DDB1: variants seen among roughly 807,000 people sequenced by gnomAD.
DDB1 encodes the protein DNA damage-binding protein 1.
A neutral mutation model predicts 133.1 loss-of-function variants in DDB1; 18 were observed. That is an observed-to-expected ratio of 0.14 (90% CI 0.09 to 0.20). The LOEUF (loss-of-function observed/expected upper bound fraction) is 0.20. DDB1 is among the 10% of genes least tolerant of loss of function. The pLI, the probability that DDB1 is intolerant of heterozygous loss-of-function variation, is 1.00. For missense variants in DDB1, 828 were observed against 1,459.2 expected (o/e 0.57, Z 7.05); for synonymous variants, 580 against 550.5 (o/e 1.05, Z -0.75).
intron 1 of DDB1, chr11:61,332,166 T>TTTTTTAATGATAC: frequency 6.3e-6 from 1 of 159,832 alleles, no homozygotes; most frequent in Non-Finnish European, 1.4e-5. Flanking sequence ...CCTGCCCTCC[T>TTTTTTAATGATAC]GGCAGTCTAC....
chr11:61,322,123 G>C, intron 9 of DDB1, 173 bp downstream of exon 9: 1 of 651,190 alleles, frequency 1.5e-6, no homozygotes, highest in East Asian at 2.5e-5. Flanking sequence ...TAAAGTGCCT[G>C]GCAGACCAAG....
Position 61,311,895 on chromosome 11 carries a change from C to T in DDB1, c.2166G>A (p.Arg722=), listed in dbSNP as rs1232314882. The part of the protein sequence containing the change: ...IRTVPLYESP[R]KICYQEVSQC... ...GGGACACTTCCTGGTAGCAGATCTT[C>T]CTGCAGAACAAGTACAGAACAACAG... The change falls in exon 18 of 27, where the codon AGG becomes AGA. Residue 722 remains arginine (R), a splice_region_variant and synonymous_variant. Transcript: ENST00000301764. The T allele has an allele frequency of 1.2e-6, 2 of 1,614,076 alleles. No homozygotes were observed. The highest frequency in any genetic ancestry group is 2.7e-5 in the African/African-American group (2 of 74,924).
chr11:61,330,134 A>T, intron 2 of DDB1, 60 bp from the exon 3 acceptor site: 1 of 1,379,990 alleles, frequency 7.2e-7, no homozygotes. Flanking sequence ...CAACCTGTCC[A>T]GTCTTTAAGC....
At chr11:61,325,809 G>A (rs758286554) in intron 5 of DDB1, 101 bp from the exon 6 acceptor site, 1 of 864,218 alleles carries the variant, frequency 1.2e-6, no homozygotes, top group South Asian at 1.4e-5. Flanking sequence ...CAAACTTTAA[G>A]GTCATCATTA....
At chr11:61,304,678 T>C (rs1195942700) in intron 21 of DDB1, among the ~76,000 whole-genome samples, 5 of 151,322 alleles carry the variant, frequency 3.3e-5, no homozygotes, top group Non-Finnish European at 1.5e-5. Context: ...AACGAGACCA[T>C]CCTGGCTAAC....
intron 4 of DDB1, among the ~76,000 whole-genome samples, chr11:61,328,638 C>G (rs781535949): frequency 6.6e-6 from 1 of 152,080 alleles, no homozygotes; most frequent in Non-Finnish European, 1.5e-5. Context: ...TTTGGGAGGC[C>G]GAGGCAGGCG....
chr11:61,322,517 A>G, intron 8 of DDB1, 105 bp from the exon 9 acceptor site: 1 of 844,002 alleles, frequency 1.2e-6, no homozygotes, highest in Admixed American at 1.9e-5. Context: ...TAGTTTCTAG[A>G]TCTGCCATTC....
chr11:61,300,363 C>T (rs28720361), intron 26 of DDB1, 144 bp from the exon 27 acceptor site: 13 of 798,040 alleles, frequency 1.6e-5, no homozygotes, highest in Admixed American at 1.0e-4. Context: ...CACGCCTCCC[C>T]CTGGGTGGCA....
chr11:61,300,671 C>T, intron 26 of DDB1, 138 bp downstream of exon 26: 2 of 1,379,224 alleles, frequency 1.5e-6, no homozygotes, highest in Non-Finnish European at 2.0e-6. Context: ...CAGACTCCAC[C>T]TTCCATCTGG....
intron 6 of DDB1, 95 bp downstream of exon 6, chr11:61,325,516 T>C (rs1346753131): frequency 9.9e-7 from 1 of 1,012,586 alleles, no homozygotes; most frequent in Non-Finnish European, 1.5e-6. Context: ...AACAGGCATC[T>C]GTGAATCTCC....
chr11:61,316,065 T>C, intron 12 of DDB1: 1 of 472,568 alleles, frequency 2.1e-6, no homozygotes, highest in Non-Finnish European at 3.7e-6. Context: ...TGTAAATAAA[T>C]ACACAGACAT....
chr11:61,321,201 T>A (rs988571928), intron 10 of DDB1: 4 of 155,488 alleles, frequency 2.6e-5, no homozygotes, highest in African/African-American at 9.6e-5. Flanking sequence ...ATCTTTTTTT[T>A]ATTAAAATTC....
chr11:61,324,542 G>T (rs1447406096), intron 6 of DDB1, among the ~76,000 whole-genome samples: 1 of 151,916 alleles, frequency 6.6e-6, no homozygotes, highest in African/African-American at 2.4e-5. Context: ...TTTTTTTAAA[G>T]ACAGGGTCTT....
At chr11:61,314,743 G>T in intron 12 of DDB1, 1 of 336,902 alleles carries the variant, frequency 3.0e-6, no homozygotes, top group Non-Finnish European at 5.4e-6. Flanking sequence ...CATTCTAATT[G>T]AGACTTACTT....
chr11:61,303,241 G>T, intron 22 of DDB1, 86 bp from the exon 23 acceptor site: 1 of 1,216,450 alleles, frequency 8.2e-7, no homozygotes. Context: ...CTTTATTCAG[G>T]AGCAAGGCCC....
chr11:61,304,600 C>T (rs929266939), intron 21 of DDB1, among the ~76,000 whole-genome samples: 1 of 152,298 alleles, frequency 6.6e-6, no homozygotes, highest in Middle Eastern at 3.4e-3. Flanking sequence ...TGCAGCCGGC[C>T]GCAGTGGCTC....
intron 11 of DDB1, 26 bp downstream of exon 11, chr11:61,316,466 A>G: frequency 1.2e-6 from 2 of 1,613,814 alleles, no homozygotes; most frequent in Non-Finnish European, 1.7e-6. Flanking sequence ...ACCAGCACCT[A>G]CAGCTGGCAC....
At chr11:61,315,946 C>CA (rs1053034132) in intron 12 of DDB1, 20 of 187,654 alleles carry the variant, frequency 1.1e-4, no homozygotes, top group Admixed American at 1.2e-4. Context: ...ACTAGTTTAA[C>CA]AAAGGGAAAA....
At chr11:61,309,764 T>A (rs1855932825) in intron 20 of DDB1, 32 bp downstream of exon 20, 8 of 1,598,218 alleles carry the variant, frequency 5.0e-6, no homozygotes, top group African/African-American at 1.3e-5. Context: ...GCATTTCACA[T>A]CCCTCAGAAA....
Sources: gnomAD v4.1 joint callset for allele counts (sites outside exome capture counted in the v4.1 genomes callset) on GRCh38, gnomAD v4.1.1 for gene constraint, MANE v1.5 for transcripts, NCBI Gene and HGNC (gene_info 2026-07-23, HGNC 2026-07-21) for gene names.